CALM2: variants seen among roughly 807,000 people sequenced by gnomAD.
The protein encoded by CALM2 is calmodulin-2.
CALM2 carries 2 observed loss-of-function variants against 19.8 expected under a neutral mutation model. That is an observed-to-expected ratio of 0.10 (90% CI 0.04 to 0.32). The LOEUF is 0.32. CALM2 is among the 10% of genes least tolerant of loss of function. CALM2 has a pLI of 1.00. For missense variants in CALM2, 38 were observed against 178.7 expected (o/e 0.21, Z 4.49); for synonymous variants, 51 against 52.1 (o/e 0.98, Z 0.09).
At chr2:47,164,189 T>C (rs1666374145) in intron 2 of CALM2, among the ~76,000 whole-genome samples, 1 of 141,998 alleles carries the variant, frequency 7.0e-6, no homozygotes, top group Admixed American at 7.1e-5. Flanking sequence ...AGTGAGCTGA[T>C]ATTGCGCCAC....
chr2:47,169,931 G>C lies in CALM2; in HGVS notation c.34+803C>G, dbSNP rs74800579. Among the ~76,000 whole-genome samples, 890 of 147,726 alleles carry C rather than the reference G, an allele frequency of 6.0e-3. 12 individuals are homozygous for C. Among genetic ancestry groups the C allele is most frequent in the African/African-American group, 0.02 (817 of 40,002 alleles). On this transcript the variant is annotated intron_variant, in intron 2 of 5. Transcript: ENST00000272298. ...AATAAAAGTGTCTAATGAAAACAAA[G>C]GAATAGTTTGCAAAGCATTTCAACA... is the stretch of plus-strand genomic sequence containing the variant.
At chr2:47,165,993 T>G (rs1055693087) in intron 2 of CALM2, among the ~76,000 whole-genome samples, 1 of 152,208 alleles carries the variant, frequency 6.6e-6, no homozygotes, top group African/African-American at 2.4e-5. Context: ...GCCTCCTAAC[T>G]GCATTCTTTC....
intron 1 of CALM2, chr2:47,172,436 T>C: frequency 1.1e-6 from 1 of 877,924 alleles, no homozygotes; most frequent in Non-Finnish European, 1.7e-6. Context: ...TTGTGCAAAG[T>C]GAGATGCTAT....
chr2:47,176,126 C>T (rs921806700), intron 1 of CALM2: 5 of 388,222 alleles, frequency 1.3e-5, no homozygotes, highest in Non-Finnish European at 2.3e-5. Flanking sequence ...CCTTCACTTT[C>T]TCTCCTTCCC....
At chr2:47,170,188 T>C (rs1443900391) in intron 2 of CALM2, among the ~76,000 whole-genome samples, 4 of 152,240 alleles carry the variant, frequency 2.6e-5, no homozygotes, top group Admixed American at 6.5e-5. Context: ...TCACTGTTTT[T>C]TAAGAGAAAA....
At position 47,162,405 on chromosome 2, in the gene CALM2, A is replaced by G; in HGVS notation, c.179-13T>C. 6.2e-7 allele frequency: 1 copy of G among 1,606,316 alleles called. No homozygotes were observed. The highest frequency in any genetic ancestry group is 8.5e-7 in the Non-Finnish European group (1 of 1,174,324). ...ATTGTGCCATTACCTGAAATGGTTT[A>G]GTGGAAACATCAAAGCTTTAGTGGA... On this transcript the variant is annotated splice_polypyrimidine_tract_variant and intron_variant, in intron 3 of 5. Coordinates refer to ENST00000272298, the MANE Select transcript of CALM2 (RefSeq NM_001743.6).
intron 2 of CALM2, among the ~76,000 whole-genome samples, chr2:47,168,080 A>C (rs1399025287): frequency 6.6e-6 from 1 of 152,186 alleles, no homozygotes; most frequent in Non-Finnish European, 1.5e-5. Context: ...TTACACACTC[A>C]TTGAGAATAA....
intron 2 of CALM2, among the ~76,000 whole-genome samples, chr2:47,167,249 ACTT>A (rs1323267711): frequency 1.2e-4 from 18 of 152,162 alleles, no homozygotes; most frequent in Admixed American, 1.0e-3. Context: ...TTAGGTACAG[ACTT>A]CTTAAGGAAA....
intron 1 of CALM2, 92 bp downstream of exon 1, chr2:47,176,349 G>T: frequency 6.7e-7 from 1 of 1,489,284 alleles, no homozygotes. Context: ...CTCCTTGAAG[G>T]TGTAAGGGAG....
chr2:47,176,169 C>T lies in CALM2; in HGVS notation c.3+272G>A, dbSNP rs1666860754. On this transcript the variant is annotated intron_variant, in intron 1 of 5. Coordinates refer to ENST00000272298, the MANE Select transcript of CALM2 (RefSeq NM_001743.6). The stretch of plus-strand genomic sequence containing the variant: ...GGGCTGTCCCTCATCCCGGACCCAT[C>T]CTCCTCCAGCCAAGCCCCCGAGGAG... 4 of 506,638 alleles carry T rather than the reference C, an allele frequency of 7.9e-6. No individual in the cohort carries two copies. In the South Asian group the frequency reaches 1.2e-4, roughly 15 times the overall value. 31.4% of individuals were successfully genotyped at this position (506,638 alleles called of 1,614,324 possible).
intron 5 of CALM2, 123 bp from the exon 6 acceptor site, chr2:47,160,927 T>A: frequency 1.7e-6 from 1 of 604,606 alleles, no homozygotes; most frequent in Non-Finnish European, 2.9e-6. Flanking sequence ...TTCCTCAGAA[T>A]TACCATTAAG....
intron 2 of CALM2, among the ~76,000 whole-genome samples, chr2:47,169,011 C>G (rs1666584117): frequency 6.6e-6 from 1 of 152,132 alleles, no homozygotes; most frequent in Non-Finnish European, 1.5e-5. Flanking sequence ...CTCCTGACCT[C>G]AAGTGATCCG....
At chr2:47,171,982 T>TAAAAAAAAAAAAAAAAAAAAAAAAAA (rs60765781) in intron 1 of CALM2, 1 of 104,080 alleles carries the variant, frequency 9.6e-6, no homozygotes, top group African/African-American at 4.2e-5. Flanking sequence ...TCAAATTCAT[T>TAAAAAAAAAAAAAAAAAAAAAAAAAA]AAAAAAAAAA....
At chr2:47,176,915 G>T (rs952353748), upstream of CALM2, 8 of 985,270 alleles carry the variant, frequency 8.1e-6, no homozygotes, top group African/African-American at 1.7e-5. Flanking sequence ...GTTGCTGCTC[G>T]GGCCGCGCTG....
intron 1 of CALM2, among the ~76,000 whole-genome samples, chr2:47,175,184 T>C (rs1166266098): frequency 2.0e-5 from 3 of 147,188 alleles, no homozygotes; most frequent in Non-Finnish European, 4.5e-5. Flanking sequence ...CACTCTTCCA[T>C]CACAGTATTT....
chr2:47,162,746 T>C, intron 2 of CALM2, 84 bp from the exon 3 acceptor site: 1 of 1,149,168 alleles, frequency 8.7e-7, no homozygotes, highest in Non-Finnish European at 1.2e-6. Flanking sequence ...TCTTAAAGCC[T>C]ACTCAGTGGT....
chr2:47,172,511 CA>C (rs56253356), intron 1 of CALM2: 13 of 1,211,286 alleles, frequency 1.1e-5, no homozygotes, highest in Non-Finnish European at 1.4e-5. Context: ...AAAGAACCTA[CA>C]ATGTTAAATA....
intron 2 of CALM2, among the ~76,000 whole-genome samples, chr2:47,167,859 C>G (rs1177301621): frequency 2.5e-5 from 3 of 118,794 alleles, no homozygotes; most frequent in Non-Finnish European, 1.6e-5. Context: ...GTCTTGAACT[C>G]CTGGGCTCAA....
At chr2:47,162,201 C>CCAAAAAA in intron 4 of CALM2, 85 bp downstream of exon 4, 1 of 131,160 alleles carries the variant, frequency 7.6e-6, no homozygotes, top group Non-Finnish European at 1.3e-5. Flanking sequence ...AAAAAAAAAA[C>CCAAAAAA]AACCAAAAAA....
Sources: allele counts gnomAD v4.1 joint callset (sites outside exome capture counted in the v4.1 genomes callset), GRCh38; gene constraint gnomAD v4.1.1; transcripts MANE v1.5; gene names NCBI Gene and HGNC (gene_info 2026-07-23, HGNC 2026-07-21).